The following MCM9 variants were observed in gnomAD, a reference collection of about 807,000 sequenced individuals.
MCM9 encodes DNA helicase MCM9.
A neutral mutation model predicts 72.8 loss-of-function variants in MCM9; 55 were observed. The observed-to-expected ratio is 0.76, with a 90% confidence interval of 0.61 to 0.95. The LOEUF (loss-of-function observed/expected upper bound fraction) is 0.95. MCM9 is among the 40% of genes least tolerant of loss of function. The pLI, the probability that MCM9 is intolerant of heterozygous loss-of-function variation, is 0.00. For missense variants in MCM9, 1,279 were observed against 1,377.0 expected, an observed-to-expected ratio of 0.93 and a Z score of 1.13; for synonymous variants, 480 against 503.4, an observed-to-expected ratio of 0.95 and a Z score of 0.62.
intron 9 of MCM9, among the ~76,000 whole-genome samples, chr6:118,847,991 G>T (rs754778950): frequency 2.6e-5 from 4 of 151,776 alleles, no homozygotes; most frequent in Non-Finnish European, 5.9e-5. Context: ...TATGAAAAAT[G>T]ATTTGAAACA....
At chr6:118,849,412 A>G (rs1046349919) in intron 9 of MCM9, among the ~76,000 whole-genome samples, 2 of 151,214 alleles carry the variant, frequency 1.3e-5, no homozygotes, top group Non-Finnish European at 2.9e-5. Flanking sequence ...CCTAAATAAC[A>G]TCATTTATAA....
chr6:118,826,914 TGTAA>T, intron 11 of MCM9, 50 bp from the exon 12 acceptor site: 1 of 1,419,496 alleles, frequency 7.0e-7, no homozygotes, highest in Non-Finnish European at 9.7e-7. Context: ...AGGTGAGAAA[TGTAA>T]TTCTCTAACT....
intron 8 of MCM9, among the ~76,000 whole-genome samples, chr6:118,862,094 T>C (rs1366245639): frequency 1.3e-5 from 2 of 152,154 alleles, no homozygotes; most frequent in African/African-American, 2.4e-5. Flanking sequence ...GGCTTCAACT[T>C]TGCTCTGAAA....
chr6:118,883,228 G>C (rs1162262226), intron 8 of MCM9, among the ~76,000 whole-genome samples: 1 of 152,024 alleles, frequency 6.6e-6, no homozygotes, highest in East Asian at 1.9e-4. Flanking sequence ...GAGTAAACCT[G>C]AAATTGCAGA....
intron 11 of MCM9, 71 bp from the exon 12 acceptor site, chr6:118,826,935 T>A: frequency 8.4e-7 from 1 of 1,195,798 alleles, no homozygotes; most frequent in Non-Finnish European, 1.2e-6. Context: ...AACTTCCTCC[T>A]CCTCACCATT....
At chr6:118,869,997 T>C (rs1448862875) in intron 8 of MCM9, among the ~76,000 whole-genome samples, 1 of 152,124 alleles carries the variant, frequency 6.6e-6, no homozygotes, top group Non-Finnish European at 1.5e-5. Context: ...GCACCTAACA[T>C]ATAAAGCAAA....
Position 118,903,762 on chromosome 6 carries a change from GT to G in MCM9, c.1150+7887del, listed in dbSNP as rs561511008. On this transcript the variant is annotated intron_variant, in intron 8 of 13. Coordinates refer to ENST00000619706, the MANE Select transcript of MCM9 (RefSeq NM_017696.3). ...GGTGAAGTATTTCTTTTTTAAATTT[GT>G]TTTTGTAGAGATGGGGTTTCGCCAT... Among the ~76,000 whole-genome samples, 537 of 152,206 alleles carry G rather than the reference GT, an allele frequency of 3.5e-3. 7 individuals are homozygous for G. The highest frequency in any genetic ancestry group is 0.012 in the African/African-American group (511 of 41,528).
chr6:118,821,595 T>C (rs1583328108), intron 13 of MCM9, among the ~76,000 whole-genome samples: 3 of 152,296 alleles, frequency 2.0e-5, no homozygotes, highest in Admixed American at 6.5e-5. Flanking sequence ...GATGAGTATA[T>C]GTCTTGGAGT....
intron 9 of MCM9, among the ~76,000 whole-genome samples, chr6:118,854,538 A>G (rs1776436426): frequency 6.6e-6 from 1 of 152,166 alleles, no homozygotes; most frequent in Admixed American, 6.5e-5. Context: ...TTTTTAGTAG[A>G]GAGGGGGTTT....
At chr6:118,902,528 CTTTTTTTTT>C (rs33980013) in intron 8 of MCM9, among the ~76,000 whole-genome samples, 2 of 131,526 alleles carry the variant, frequency 1.5e-5, no homozygotes, top group Non-Finnish European at 3.2e-5. Flanking sequence ...ACTGATAATA[CTTTTTTTTT>C]TTTTTTTTTG....
intron 8 of MCM9, chr6:118,894,082 T>G: frequency 1.8e-6 from 2 of 1,110,244 alleles, no homozygotes; most frequent in Admixed American, 4.7e-5. Context: ...CAGTTAAAGT[T>G]TCCGAGTCCA....
rs1773355131 is a variant in MCM9, at chr6:118,815,512, G to A, written c.2744C>T (p.Ser915Phe). ...AAATTTTGCCAGTTTGGCCACAGGG[G>A]AACCTGGAGGCTTAACATTTTCAAT... ...PAIENVKPPG[S>F]PVAKLAKFTF... Residue 915 changes from serine (S) to phenylalanine (F), a missense_variant, in exon 14 of 14, where the codon TCC (serine) becomes TTC (phenylalanine). Transcript: ENST00000619706. The A allele has an allele frequency of 1.3e-6, 2 of 1,547,820 alleles. No individual in the cohort carries two copies. The highest frequency in any genetic ancestry group is 2.0e-5 in the Admixed American group (1 of 50,436).
chr6:118,896,648 A>G (rs1478203430), intron 8 of MCM9, among the ~76,000 whole-genome samples: 1 of 152,158 alleles, frequency 6.6e-6, no homozygotes, highest in Non-Finnish European at 1.5e-5. Flanking sequence ...TTAGTATTTT[A>G]AAAAATATTT....
At chr6:118,835,718 TA>T (rs1238569270) in intron 9 of MCM9, among the ~76,000 whole-genome samples, 10 of 152,256 alleles carry the variant, frequency 6.6e-5, no homozygotes, top group African/African-American at 2.4e-4. Context: ...GAGACTTTGC[TA>T]AAGTTGCTTA....
chr6:118,902,758 T>C (rs184460692), intron 8 of MCM9, among the ~76,000 whole-genome samples: 21 of 152,334 alleles, frequency 1.4e-4, no homozygotes, highest in African/African-American at 4.8e-4. Context: ...GGAGGTACAA[T>C]GTATATTCAG....
chr6:118,869,761 T>C (rs147779205), intron 8 of MCM9, among the ~76,000 whole-genome samples: 10,041 of 152,052 alleles, frequency 0.066, 475 homozygotes, highest in East Asian at 0.19. Flanking sequence ...TACAAGAGAC[T>C]CACTTTAACT....
chr6:118,881,414 T>C (rs1225259777), intron 8 of MCM9, among the ~76,000 whole-genome samples: 2 of 152,168 alleles, frequency 1.3e-5, no homozygotes. Context: ...CATCTTCCTG[T>C]TGACTTGTAG....
At chr6:118,841,571 C>G (rs1227440269) in intron 9 of MCM9, among the ~76,000 whole-genome samples, 1 of 152,160 alleles carries the variant, frequency 6.6e-6, no homozygotes, top group Non-Finnish European at 1.5e-5. Context: ...TTCCCAGGTC[C>G]CACTTTACAG....
At chr6:118,894,888 G>A (rs972176402) in intron 8 of MCM9, among the ~76,000 whole-genome samples, 1 of 152,116 alleles carries the variant, frequency 6.6e-6, no homozygotes, top group Non-Finnish European at 1.5e-5. Context: ...CTCCGGGCCC[G>A]AGCACGGAGG....
Sources: allele counts gnomAD v4.1 joint callset (sites outside exome capture counted in the v4.1 genomes callset), GRCh38; gene constraint gnomAD v4.1.1; transcripts MANE v1.5; gene names NCBI Gene and HGNC (gene_info 2026-07-23, HGNC 2026-07-21).